Variants in NYAP2 observed in about 807,000 individuals in gnomAD.
The protein encoded by NYAP2 is neuronal tyrosine-phosphorylated phosphoinositide-3-kinase adapter 2.
NYAP2 carries 23 observed loss-of-function variants against 50.4 expected under a neutral mutation model. That is an observed-to-expected ratio of 0.46 (90% CI 0.33 to 0.65). The LOEUF (loss-of-function observed/expected upper bound fraction) is 0.65, where lower values mean the gene tolerates loss of function less well. Ranked by LOEUF, NYAP2 falls within the 30% of genes least tolerant of loss-of-function variation. The pLI is 0.02. For missense variants in NYAP2, 885 were observed against 861.0 expected (o/e 1.03, Z -0.35); for synonymous variants, 394 against 365.2 (o/e 1.08, Z -0.90).
At chr2:225,524,159 G>A (rs1691112771) in intron 4 of NYAP2, among the ~76,000 whole-genome samples, 2 of 152,148 alleles carry the variant, frequency 1.3e-5, no homozygotes, top group Non-Finnish European at 2.9e-5. Flanking sequence ...GTTCAAGGAA[G>A]CTAGTTTGAC....
At chr2:225,587,547 C>T (rs1182162702) in intron 5 of NYAP2, among the ~76,000 whole-genome samples, 2 of 152,114 alleles carry the variant, frequency 1.3e-5, no homozygotes, top group African/African-American at 4.8e-5. Flanking sequence ...GGACTTGATC[C>T]TGCCAGAACT....
chr2:225,521,662 T>C (rs1015333409), intron 4 of NYAP2, among the ~76,000 whole-genome samples: 10 of 151,530 alleles, frequency 6.6e-5, no homozygotes, highest in African/African-American at 1.7e-4. Flanking sequence ...GATGTGCTGC[T>C]GGATTCGGTT....
At chr2:225,479,742 C>G (rs760922905) in intron 3 of NYAP2, among the ~76,000 whole-genome samples, 2 of 151,916 alleles carry the variant, frequency 1.3e-5, no homozygotes, top group Non-Finnish European at 2.9e-5. Context: ...TTCTTAAGGA[C>G]AAACTTCAGA....
exon 7 of NYAP2, chr2:225,653,549 A>C (rs1454998987): frequency 6.6e-6 from 1 of 152,252 alleles, no homozygotes; most frequent in Non-Finnish European, 1.5e-5. Context: ...CACACAGTCA[A>C]ATCATACATG....
At chr2:225,669,047 T>C in the NYAP2 span, among the ~76,000 whole-genome samples, 1 of 138,470 alleles carries the variant, frequency 7.2e-6, no homozygotes, top group Non-Finnish European at 1.5e-5. Flanking sequence ...TAGAGGATGA[T>C]TAAGGACAAG....
At chr2:225,647,875 G>A (rs1269585644) in intron 6 of NYAP2, among the ~76,000 whole-genome samples, 3 of 152,082 alleles carry the variant, frequency 2.0e-5, no homozygotes, top group Non-Finnish European at 2.9e-5. Context: ...TTTGATTAAA[G>A]TCCATGCTTG....
At chr2:225,561,343 C>A (rs1691869028) in intron 4 of NYAP2, among the ~76,000 whole-genome samples, 1 of 151,970 alleles carries the variant, frequency 6.6e-6, no homozygotes, top group Non-Finnish European at 1.5e-5. Flanking sequence ...GAGATTACAG[C>A]ATGCTTGGCA....
At chr2:225,607,852 G>A (rs1037371260) in intron 5 of NYAP2, among the ~76,000 whole-genome samples, 1 of 152,122 alleles carries the variant, frequency 6.6e-6, no homozygotes, top group African/African-American at 2.4e-5. Context: ...GTAAATTATA[G>A]GGAGACATTT....
chr2:225,514,235 G>T (rs999825632), intron 4 of NYAP2, among the ~76,000 whole-genome samples: 1 of 151,996 alleles, frequency 6.6e-6, no homozygotes, highest in South Asian at 2.1e-4. Context: ...CAGCCTCCTT[G>T]CTGGTCTATG....
intron 6 of NYAP2, among the ~76,000 whole-genome samples, chr2:225,645,243 A>G (rs940682136): frequency 2.1e-4 from 32 of 151,464 alleles, no homozygotes; most frequent in African/African-American, 7.8e-4. Flanking sequence ...GGGCAGAAAA[A>G]AAAAAAAAAA....
chr2:225,486,448 C>T (rs1007440768), intron 3 of NYAP2, among the ~76,000 whole-genome samples: 4 of 152,154 alleles, frequency 2.6e-5, no homozygotes, highest in Non-Finnish European at 5.9e-5. Context: ...CTCTGAAGGC[C>T]TGTGCAAACA....
intron 4 of NYAP2, among the ~76,000 whole-genome samples, chr2:225,535,005 TG>T (rs1042857404): frequency 4.1e-4 from 63 of 152,316 alleles, no homozygotes; most frequent in African/African-American, 1.4e-3. Flanking sequence ...TCTAGGGTGC[TG>T]GGGAAAACTG....
intron 3 of NYAP2, among the ~76,000 whole-genome samples, chr2:225,486,791 C>T (rs1300021138): frequency 1.3e-5 from 2 of 152,148 alleles, no homozygotes; most frequent in East Asian, 3.9e-4. Context: ...GTTCAACCTC[C>T]CTGGGCCCTC....
chr2:225,557,670 C>A (rs564032878), intron 4 of NYAP2, among the ~76,000 whole-genome samples: 3 of 152,212 alleles, frequency 2.0e-5, no homozygotes, highest in African/African-American at 4.8e-5. Flanking sequence ...TATTTATAAT[C>A]AAATATGTCA....
At chr2:225,443,664 C>G (rs940085058) in intron 3 of NYAP2, among the ~76,000 whole-genome samples, 2 of 151,992 alleles carry the variant, frequency 1.3e-5, no homozygotes, top group African/African-American at 4.8e-5. Context: ...AGAGCTAGAC[C>G]AGCAAGAAAC....
intron 6 of NYAP2, among the ~76,000 whole-genome samples, chr2:225,644,512 T>G (rs1299599537): frequency 1.3e-5 from 2 of 151,638 alleles, no homozygotes; most frequent in Non-Finnish European, 2.9e-5. Flanking sequence ...ATGAAGTCCT[T>G]GCCCATGCCT....
At chr2:225,611,868 A>G (rs1303628375) in intron 5 of NYAP2, among the ~76,000 whole-genome samples, 1 of 140,490 alleles carries the variant, frequency 7.1e-6, no homozygotes, top group Non-Finnish European at 1.5e-5. Context: ...ATAGAGAGAG[A>G]TATATATATG....
intron 3 of NYAP2, among the ~76,000 whole-genome samples, chr2:225,449,266 A>G (rs1205700980): frequency 6.6e-6 from 1 of 152,202 alleles, no homozygotes; most frequent in Non-Finnish European, 1.5e-5. Flanking sequence ...TAATAGGGTA[A>G]TAGTACTGAC....
intron 3 of NYAP2, among the ~76,000 whole-genome samples, chr2:225,419,557 T>A (rs1032501466): frequency 6.6e-6 from 1 of 152,188 alleles, no homozygotes; most frequent in Non-Finnish European, 1.5e-5. Context: ...GAGTCCCTTA[T>A]CTTAAAGTCG....
Sources: gnomAD v4.1 joint callset for allele counts (sites outside exome capture counted in the v4.1 genomes callset) on GRCh38, gnomAD v4.1.1 for gene constraint, MANE v1.5 for transcripts, NCBI Gene and HGNC (gene_info 2026-07-23, HGNC 2026-07-21) for gene names.